Variants in ANTXRL observed in about 807,000 individuals in gnomAD.
The protein encoded by ANTXRL is anthrax toxin receptor-like.
In ANTXRL, 63 loss-of-function variants were observed where a neutral mutation model predicts 75.4. The ratio of observed to expected loss-of-function variants is 0.84; its 90% CI spans 0.68 to 1.03. The LOEUF (loss-of-function observed/expected upper bound fraction) is 1.03, where lower values mean the gene tolerates loss of function less well. ANTXRL is among the 50% of genes least tolerant of loss of function. ANTXRL has a pLI of 0.00. For missense variants in ANTXRL, 797 were observed against 789.4 expected (o/e 1.01, Z -0.12); for synonymous variants, 335 against 291.3 (o/e 1.15, Z -1.53).
At chr10:46,300,064 A>G (rs772393979) in intron 9 of ANTXRL, among the ~76,000 whole-genome samples, 1 of 152,194 alleles carries the variant, frequency 6.6e-6, no homozygotes, top group African/African-American at 2.4e-5. Flanking sequence ...GCGTCTGAGC[A>G]GCCCTGTCAA....
intron 2 of ANTXRL, among the ~76,000 whole-genome samples, chr10:46,293,455 T>A (rs1837155017): frequency 1.0e-5 from 1 of 96,068 alleles, no homozygotes; most frequent in African/African-American, 3.2e-5. Flanking sequence ...TATGGGTGCA[T>A]GTGTGAGTGT....
rs1839246769 is a variant in ANTXRL, at chr10:46,326,970, G to A, written c.1411-2629G>A. ...AAGGGACCCCAACTCTGTGCTGCAAGGAGAGAGACAGGCTGTCTGGAGAAA... is the reference window on the plus strand; with the variant it reads ...AAGGGACCCCAACTCTGTGCTGCAAAGAGAGAGACAGGCTGTCTGGAGAAA... On this transcript the variant is annotated intron_variant, in intron 16 of 16. Coordinates refer to ENST00000620264, the MANE Select transcript of ANTXRL (RefSeq NM_001278688.3). 3.9e-5 allele frequency among the ~76,000 whole-genome samples: 6 copies of A among 152,092 alleles called. No individual in the cohort carries two copies. In the South Asian group the frequency reaches 1.2e-3, roughly 32 times the overall value.
chr10:46,287,114 G>A lies in ANTXRL; in HGVS notation c.-149G>A. On this transcript the variant is annotated 5_prime_UTR_variant, in exon 1 of 17. Transcript: ENST00000620264. ...GCGATCTGGGGAGGTACCTGGTGGA[G>A]GGCCATAGTGTGCACTGGTGAAAGG... 3.9e-6 allele frequency: 4 copies of A among 1,020,526 alleles called. No homozygotes were observed. The highest frequency in any genetic ancestry group is 5.5e-6 in the Non-Finnish European group (4 of 721,104). The allele number at this position is 1,020,526 out of a possible 1,614,324, so 63.2% of individuals were successfully genotyped here.
chr10:46,301,134 G>A (rs1554960435), intron 9 of ANTXRL, among the ~76,000 whole-genome samples: 3 of 152,246 alleles, frequency 2.0e-5, no homozygotes. Flanking sequence ...GAGTGGCCAA[G>A]TTGGGCTGAC....
chr10:46,295,599 AGAGTTAGAGTTAGAGTTAGAGTTAG>A, intron 3 of ANTXRL, among the ~76,000 whole-genome samples: 1 of 56,448 alleles, frequency 1.8e-5, no homozygotes, highest in African/African-American at 5.0e-5. Flanking sequence ...AGTTAGAGTT[AGAGTTAGAGTTAGAGTTAGAGTTAG>A]GAATGTCAAC....
In ANTXRL at chr10:46,329,703, G is replaced by A. The variant is rs181963859; in HGVS notation, c.1515G>A (p.Gln505=). 1 of 1,535,870 alleles carries A rather than the reference G, an allele frequency of 6.5e-7. No homozygotes were observed. The highest frequency in any genetic ancestry group is 1.4e-5 in the African/African-American group (1 of 72,698). Residue 505 remains glutamine (Q), a synonymous_variant, in exon 17 of 17, where the codon CAG becomes CAA. Coordinates refer to ENST00000620264, the MANE Select transcript of ANTXRL (RefSeq NM_001278688.3). ...GCCAGGAGTGCCTTTCCCTACCACAGGCTCCCTGCAGCCCAAGGATGTGCC... is the reference window on the plus strand; with the variant it reads ...GCCAGGAGTGCCTTTCCCTACCACAAGCTCCCTGCAGCCCAAGGATGTGCC... ...PHSQECLSLP[Q]APCSPRMCLR...
In ANTXRL at chr10:46,298,014, G is replaced by A; in HGVS notation, c.748G>A (p.Val250Ile). The A allele has an allele frequency of 1.3e-6, 2 of 1,535,746 alleles. No homozygotes were observed. The highest frequency in any genetic ancestry group is 1.7e-6 in the Non-Finnish European group (2 of 1,146,660). The change falls in exon 9 of 17, where the codon GTC (valine) becomes ATC (isoleucine). Residue 250 changes from valine to isoleucine, a missense_variant. Physicochemically the swap from Val to Ile is conservative, Grantham distance 29. Coordinates refer to ENST00000620264, the MANE Select transcript of ANTXRL (RefSeq NM_001278688.3). ...TCCTGTGTTCCAGCTCACGTCAAAG[G>A]TCTGTCTTGATGTGACATCGGTGGA... ...RSTIDALTSK[V>I]CLDVTSVEPS...
At chr10:46,291,668 C>T (rs1177411574) in intron 1 of ANTXRL, among the ~76,000 whole-genome samples, 1 of 152,110 alleles carries the variant, frequency 6.6e-6, no homozygotes, top group Non-Finnish European at 1.5e-5. Flanking sequence ...CTGTTTGATG[C>T]TATCATAAAT....
At chr10:46,324,073 A>C (rs1385380425) in intron 16 of ANTXRL, among the ~76,000 whole-genome samples, 11 of 152,170 alleles carry the variant, frequency 7.2e-5, no homozygotes, top group Admixed American at 7.2e-4. Flanking sequence ...TTGAAAATTG[A>C]AGTTTTTCCA....
chr10:46,306,718 C>T (rs1367487713), intron 10 of ANTXRL, 85 bp from the exon 11 acceptor site: 9 of 1,207,506 alleles, frequency 7.5e-6, no homozygotes, highest in Admixed American at 5.5e-5. Context: ...GCCACAGGGT[C>T]AGCCCTGCAT....
chr10:46,329,555 C>G (rs1430017634), intron 16 of ANTXRL, 44 bp from the exon 17 acceptor site: 1 of 1,517,602 alleles, frequency 6.6e-7, no homozygotes, highest in Non-Finnish European at 8.8e-7. Context: ...GAGCCCAGTT[C>G]GAATGCCATC....
intron 14 of ANTXRL, 146 bp from the exon 15 acceptor site, chr10:46,311,364 G>T: frequency 8.6e-7 from 1 of 1,166,146 alleles, no homozygotes; most frequent in South Asian, 1.9e-5. Context: ...CCAACTAGGA[G>T]GAGTTTGCGT....
rs1452513769 is a variant in ANTXRL at position 46,297,877 on chromosome 10, A to G, written c.701A>G (p.Asn234Ser). 1.3e-6 allele frequency: 2 copies of G among 1,535,800 alleles called. No individual in the cohort carries two copies. The highest frequency in any genetic ancestry group is 2.7e-5 in the African/African-American group (2 of 72,994). The change falls in exon 8 of 17, where the codon AAT becomes AGT. Residue 234 changes from asparagine to serine, a missense_variant. Physicochemically the swap from Asn to Ser is conservative, Grantham distance 46. Around this residue, in one of 3 missense-constraint regions of ANTXRL, gnomAD observed 56 missense variants for 95.5 expected, o/e 0.59. Transcript: ENST00000620264. ...CCTGGCCACGTGTTTGCAGTGGAGA[A>G]TGGCTTCAAGGCCCTGAGAAGCACC... The part of the protein sequence containing the change: ...DSPGHVFAVE[N>S]GFKALRSTID...
Position 46,298,007 on chromosome 10 carries a change from G to T in ANTXRL, c.741G>T (p.Thr247=). The T allele has an allele frequency of 1.3e-6, 2 of 1,535,912 alleles. No individual in the cohort carries two copies. Among genetic ancestry groups the T allele is most frequent in the Non-Finnish European group, 1.7e-6 (2 of 1,146,724 alleles). ...CCACCCCTCCTGTGTTCCAGCTCAC[G>T]TCAAAGGTCTGTCTTGATGTGACAT... ...KALRSTIDAL[T]SKVCLDVTSV... The change falls in exon 9 of 17, where the codon ACG becomes ACT. Residue 247 remains threonine, a synonymous_variant. Transcript: ENST00000620264.
intron 16 of ANTXRL, among the ~76,000 whole-genome samples, chr10:46,321,429 A>AAT (rs1838971809): frequency 6.6e-6 from 1 of 152,146 alleles, no homozygotes; most frequent in African/African-American, 2.4e-5. Flanking sequence ...GAAAGTCTGC[A>AAT]ATATATATAC....
intron 1 of ANTXRL, among the ~76,000 whole-genome samples, chr10:46,290,048 T>TA (rs1836918982): frequency 7.3e-6 from 1 of 136,660 alleles, no homozygotes; most frequent in Non-Finnish European, 1.6e-5. Context: ...TCTTTATCTT[T>TA]TTTTTTTTTT....
At chr10:46,295,972 A>G (rs1461693564) in intron 3 of ANTXRL, 47 bp from the exon 4 acceptor site, 31 of 1,471,292 alleles carry the variant, frequency 2.1e-5, no homozygotes, top group African/African-American at 2.8e-5. Flanking sequence ...CTGATTTTTA[A>G]CAGTCAATGT....
chr10:46,315,667 G>T (rs1261042159), intron 16 of ANTXRL, among the ~76,000 whole-genome samples: 5 of 152,190 alleles, frequency 3.3e-5, no homozygotes, highest in African/African-American at 4.8e-5. Flanking sequence ...CCTGGGGAGT[G>T]TGATAAGCTC....
At chr10:46,300,163 G>A (rs1241906873) in intron 9 of ANTXRL, among the ~76,000 whole-genome samples, 1 of 152,172 alleles carries the variant, frequency 6.6e-6, no homozygotes, top group Non-Finnish European at 1.5e-5. Context: ...TCGGCCTTCT[G>A]CCTCTGCTCA....
Sources: gnomAD v4.1 joint callset for allele counts (sites outside exome capture counted in the v4.1 genomes callset) on GRCh38, gnomAD v4.1.1 for gene constraint, gnomAD v4.1.1 regional missense constraint, MANE v1.5 for transcripts, NCBI Gene and HGNC (gene_info 2026-07-23, HGNC 2026-07-21) for gene names.